ITGB4: variants seen among roughly 807,000 people sequenced by gnomAD.
The protein encoded by ITGB4 is integrin beta-4.
A neutral mutation model predicts 207.6 loss-of-function variants in ITGB4; 159 were observed. That is an observed-to-expected ratio of 0.77 (90% CI 0.67 to 0.87). The LOEUF (loss-of-function observed/expected upper bound fraction) is 0.87. Ranked by LOEUF, ITGB4 falls within the 40% of genes least tolerant of loss-of-function variation. The pLI is 0.00. For missense variants in ITGB4, 2,278 were observed against 2,546.8 expected, an observed-to-expected ratio of 0.89 and a Z score of 2.27; for synonymous variants, 1,020 against 1,062.7, an observed-to-expected ratio of 0.96 and a Z score of 0.78.
At chr17:75,752,799 C>T (rs1208502365) in intron 32 of ITGB4, among the ~76,000 whole-genome samples, 1 of 152,164 alleles carries the variant, frequency 6.6e-6, no homozygotes, top group Admixed American at 6.5e-5. Context: ...GAGTTCATGC[C>T]CACGGGACCA....
At position 75,740,239 on chromosome 17, in the gene ITGB4, T is replaced by A; in HGVS notation, c.2447-119T>A. 1 of 1,215,982 alleles carries A rather than the reference T, an allele frequency of 8.2e-7. No individual in the cohort carries two copies. The highest frequency in any genetic ancestry group is 1.2e-6 in the Non-Finnish European group (1 of 849,186). 75.3% of individuals were successfully genotyped at this position (1,215,982 alleles called of 1,614,324 possible). On this transcript the variant is annotated intron_variant, in intron 20 of 39. Transcript: ENST00000200181. The surrounding 1 kb of genome is among the most constrained non-coding windows in gnomAD (Gnocchi z 5.9). ...TATGAACCTCATGCCTCGGTGTGCG[T>A]GGCCTGCTGGCCAGGCATCCCCTGA...
At chr17:75,752,076 G>A in intron 30 of ITGB4, 98 bp from the exon 31 acceptor site, 1 of 1,316,886 alleles carries the variant, frequency 7.6e-7, no homozygotes. Context: ...GCCCCTGGGT[G>A]CCATCCAGGG....
rs1199105103 is a variant in ITGB4 at position 75,724,778 on chromosome 17, C to G, written c.75C>G (p.Thr25=). 6.2e-7 allele frequency: 1 copy of G among 1,613,400 alleles called. No individual in the cohort carries two copies. Among genetic ancestry groups the G allele is most frequent in the Admixed American group, 1.7e-5 (1 of 60,012 alleles). ...AALISVSLSG[T]LANRCKKAPV... Reference sequence around the variant, plus strand: ...TGATCAGCGTCAGCCTCTCTGGGACCTTGGGTGAGTCCACGTTGCCCTGCA... The same window carrying G: ...TGATCAGCGTCAGCCTCTCTGGGACGTTGGGTGAGTCCACGTTGCCCTGCA... Residue 25 remains threonine (T), a synonymous_variant, in exon 2 of 40, where the codon ACC becomes ACG. Coordinates refer to ENST00000200181, the MANE Select transcript of ITGB4 (RefSeq NM_000213.5).
rs115720711 is a variant in ITGB4, at chr17:75,753,576, G to A, written c.4109-189G>A. On this transcript the variant is annotated intron_variant, in intron 32 of 39. Transcript: ENST00000200181. ...GCTCATCTGGAAAGGCTTCAGCCGC[G>A]CAAGGGTTTCACCTGCCGCGGCCTT... Among the ~76,000 whole-genome samples, 860 of 152,304 alleles carry A rather than the reference G, an allele frequency of 5.6e-3. 9 individuals carry two copies. The highest frequency in any genetic ancestry group is 0.017 in the African/African-American group (714 of 41,562).
chr17:75,729,337 G>A lies in ITGB4; in HGVS notation c.639G>A (p.Val213=), dbSNP rs770585556. 21 of 1,614,106 alleles carry A rather than the reference G, an allele frequency of 1.3e-5. No homozygotes were observed. In the South Asian group the frequency reaches 2.1e-4, roughly 16 times the overall value. The part of the protein sequence containing the change: ...FKNVISLTED[V]DEFRNKLQGE... The stretch of plus-strand genomic sequence containing the variant: ...ACGTCATCAGCCTGACAGAAGATGT[G>A]GATGAGTTCCGGAATAAACTGCAGG... The change falls in exon 7 of 40, where the codon GTG becomes GTA. Residue 213 remains valine, a synonymous_variant. Transcript: ENST00000200181. This position sits in a 1 kb window ranked among gnomAD's most constrained non-coding sequence, Gnocchi z 4.4.
intron 16 of ITGB4, 157 bp downstream of exon 16, chr17:75,736,851 G>T: frequency 1.2e-6 from 1 of 823,534 alleles, no homozygotes; most frequent in Non-Finnish European, 1.9e-6. Flanking sequence ...ACAGAACCCA[G>T]ATAGAGGACA....
intron 25 of ITGB4, among the ~76,000 whole-genome samples, chr17:75,743,364 C>T (rs575871482): frequency 1.3e-5 from 2 of 152,300 alleles, no homozygotes; most frequent in South Asian, 4.1e-4. Context: ...TCCCGAGTAG[C>T]TGGGATTACA....
chr17:75,742,385 C>T lies in ITGB4; in HGVS notation c.2678C>T (p.Ser893Leu), dbSNP rs754773105. The stretch of plus-strand genomic sequence containing the variant: ...GACACAGTGCTGATGGCGCCCCGCT[C>T]GGCCAAGCCGGCCCTGCTGAAGCTT... ...IVDTVLMAPR[S>L]AKPALLKLTE... The change falls in exon 24 of 40, where the codon TCG (serine) becomes TTG (leucine). Residue 893 changes from serine (S) to leucine (L), a missense_variant. Transcript: ENST00000200181. The surrounding 1 kb of genome is among the most constrained non-coding windows in gnomAD (Gnocchi z 5.9). The T allele has an allele frequency of 7.4e-6, 12 of 1,613,216 alleles. No homozygotes were observed. Among genetic ancestry groups the T allele is most frequent in the Non-Finnish European group, 5.9e-6 (7 of 1,179,992 alleles).
intron 32 of ITGB4, among the ~76,000 whole-genome samples, chr17:75,752,849 G>A (rs1172262631): frequency 1.3e-5 from 2 of 152,182 alleles, no homozygotes; most frequent in East Asian, 3.9e-4. Context: ...TTCACCAGCT[G>A]TGCCATGCAC....
intron 35 of ITGB4, 44 bp from the exon 36 acceptor site, chr17:75,756,385 G>A (rs914804766): frequency 1.2e-6 from 2 of 1,605,162 alleles, no homozygotes; most frequent in Admixed American, 1.7e-5. Context: ...GCCAGGGGTG[G>A]GAGTAACACT....
At chr17:75,733,229 A>G (rs2060900440) in intron 12 of ITGB4, among the ~76,000 whole-genome samples, 2 of 152,014 alleles carry the variant, frequency 1.3e-5, no homozygotes, top group Non-Finnish European at 2.9e-5. Flanking sequence ...TACTAAAAAT[A>G]CAAAAAATTA....
chr17:75,725,701 T>A (rs1021852111), intron 2 of ITGB4, among the ~76,000 whole-genome samples: 3 of 152,116 alleles, frequency 2.0e-5, no homozygotes, highest in Admixed American at 1.3e-4. Flanking sequence ...ACACAGTAGG[T>A]CCTCACTGTG....
At position 75,737,401 on chromosome 17, in the gene ITGB4, C is replaced by A; in HGVS notation, c.2070C>A (p.Gly690=). 6.4e-7 allele frequency: 1 copy of A among 1,563,508 alleles called. No homozygotes were observed. Among genetic ancestry groups the A allele is most frequent in the Non-Finnish European group, 8.7e-7 (1 of 1,153,990 alleles). ...CTYSYTMEGD[G]APGPNSTVLV... The stretch of plus-strand genomic sequence containing the variant: ...ACAGCTACACCATGGAAGGTGACGG[C>A]GCCCCTGGGCCCAACAGCACTGTCC... The change falls in exon 17 of 40, where the codon GGC becomes GGA. Residue 690 remains glycine, a synonymous_variant. Transcript: ENST00000200181.
In ITGB4 at chr17:75,752,559, A is replaced by G; in HGVS notation, c.4090A>G (p.Ser1364Gly). 3.7e-6 allele frequency: 6 copies of G among 1,613,602 alleles called. No individual in the cohort carries two copies. The highest frequency in any genetic ancestry group is 1.1e-5 in the South Asian group (1 of 91,090). The change falls in exon 32 of 40, where the codon AGC (serine) becomes GGC (glycine). Residue 1364 changes from serine to glycine, a missense_variant. Physicochemically the swap from Ser to Gly is moderately conservative, Grantham distance 56 (BLOSUM62 0). Transcript: ENST00000200181. ...LRSPSGSQRP[S>G]VSDDTGCGWK... Reference sequence around the variant, plus strand: ...CTCTCCATCGGGCAGCCAGAGGCCCAGCGTCTCCGATGACACTGGTGAGTG... The same window carrying G: ...CTCTCCATCGGGCAGCCAGAGGCCCGGCGTCTCCGATGACACTGGTGAGTG...
At chr17:75,736,734 A>G (rs767005840) in intron 16 of ITGB4, 40 bp downstream of exon 16, 2 of 1,572,142 alleles carry the variant, frequency 1.3e-6, no homozygotes, top group South Asian at 2.3e-5. Context: ...CTGAGAGCCT[A>G]GGCAGCGGGC....
chr17:75,721,750 C>A (rs141577190), intron 1 of ITGB4, 138 bp downstream of exon 1: 64 of 152,492 alleles, frequency 4.2e-4, no homozygotes, highest in Middle Eastern at 6.7e-3. Context: ...AGGTGCCCAG[C>A]CTCCCCGGGG....
chr17:75,723,848 C>T (rs1034441193), intron 1 of ITGB4, among the ~76,000 whole-genome samples: 6 of 152,270 alleles, frequency 3.9e-5, no homozygotes, highest in East Asian at 1.9e-4. Context: ...CTGGATGGCT[C>T]TGCCGCCAGC....
At chr17:75,755,651 T>A (rs778987445) in intron 34 of ITGB4, 50 bp from the exon 35 acceptor site, 6 of 1,609,260 alleles carry the variant, frequency 3.7e-6, no homozygotes, top group Middle Eastern at 1.6e-4. Context: ...TGACTCCCAC[T>A]GAGACCCTAG....
intron 13 of ITGB4, among the ~76,000 whole-genome samples, chr17:75,735,055 C>T (rs2060943628): frequency 1.3e-5 from 2 of 152,234 alleles, no homozygotes; most frequent in African/African-American, 4.8e-5. Flanking sequence ...ACATGTTCCT[C>T]ACACTTGCAA....
Sources: allele counts gnomAD v4.1 joint callset (sites outside exome capture counted in the v4.1 genomes callset), GRCh38; gene constraint gnomAD v4.1.1; non-coding constraint Gnocchi (gnomAD v3.1); transcripts MANE v1.5; gene names NCBI Gene and HGNC (gene_info 2026-07-23, HGNC 2026-07-21).